The following LOC128092252 variants were observed in gnomAD, a reference collection of about 807,000 sequenced individuals.
At chr15:50,654,826 T>C in the LOC128092252 span, among the ~76,000 whole-genome samples, 2 of 124,964 alleles carry the variant, frequency 1.6e-5, no homozygotes, top group African/African-American at 5.3e-5. Flanking sequence ...TGAAACCCCA[T>C]CTCTACTAAA....
the LOC128092252 span, among the ~76,000 whole-genome samples, chr15:50,669,566 A>C: frequency 6.6e-6 from 1 of 152,238 alleles, no homozygotes; most frequent in Non-Finnish European, 1.5e-5. Context: ...CACTTTATAC[A>C]AATAATCTGG....
At chr15:50,666,728 G>A in the LOC128092252 span, among the ~76,000 whole-genome samples, 1 of 151,958 alleles carries the variant, frequency 6.6e-6, no homozygotes, top group Non-Finnish European at 1.5e-5. Flanking sequence ...CTTGAACCTG[G>A]GAAGCAGAAG....
chr15:50,677,283 C>A, the LOC128092252 span, among the ~76,000 whole-genome samples: 2 of 152,010 alleles, frequency 1.3e-5, no homozygotes, highest in African/African-American at 2.4e-5. Context: ...ACCCTCATGA[C>A]CTCATCTACC....
the LOC128092252 span, among the ~76,000 whole-genome samples, chr15:50,683,647 G>T: frequency 2.0e-5 from 3 of 152,032 alleles, no homozygotes; most frequent in Admixed American, 6.6e-5. Context: ...CAGCAGAATC[G>T]CTTGAACCAG....
chr15:50,662,063 C>T, the LOC128092252 span, among the ~76,000 whole-genome samples: 6 of 151,518 alleles, frequency 4.0e-5, no homozygotes, highest in African/African-American at 9.7e-5. Context: ...ACTAAAAATA[C>T]AAAAACTAGG....
the LOC128092252 span, among the ~76,000 whole-genome samples, chr15:50,681,925 TA>T: frequency 1.3e-5 from 2 of 152,132 alleles, no homozygotes; most frequent in Non-Finnish European, 2.9e-5. Flanking sequence ...CTCACGCCTG[TA>T]ATCCCAGCAC....
chr15:50,668,161 T>C, the LOC128092252 span, among the ~76,000 whole-genome samples: 25 of 152,298 alleles, frequency 1.6e-4, no homozygotes, highest in African/African-American at 5.8e-4. Context: ...CTTTCACAGG[T>C]GCTCTTAAAT....
the LOC128092252 span, among the ~76,000 whole-genome samples, chr15:50,681,098 A>C: frequency 2.6e-5 from 4 of 152,146 alleles, no homozygotes; most frequent in Non-Finnish European, 5.9e-5. Context: ...CAAAAATACA[A>C]AAATTAGCCG....
the LOC128092252 span, among the ~76,000 whole-genome samples, chr15:50,672,778 C>T: frequency 4.0e-5 from 6 of 150,522 alleles, no homozygotes; most frequent in Admixed American, 6.7e-5. Flanking sequence ...AGTGTGGTGG[C>T]GGATGCCTCT....
At chr15:50,685,035 T>A in the LOC128092252 span, among the ~76,000 whole-genome samples, 1 of 152,250 alleles carries the variant, frequency 6.6e-6, no homozygotes, top group East Asian at 1.9e-4. Context: ...ATAAATGACA[T>A]TTGTCTGGGA....
chr15:50,686,606 C>A, the LOC128092252 span: 1 of 1,582,000 alleles, frequency 6.3e-7, no homozygotes, highest in Non-Finnish European at 8.6e-7. Flanking sequence ...AGCCATCTAT[C>A]GGGAAGCGTC....
chr15:50,680,975 G>A, the LOC128092252 span, among the ~76,000 whole-genome samples: 10 of 152,012 alleles, frequency 6.6e-5, no homozygotes, highest in African/African-American at 1.7e-4. Context: ...GTAAAGTGTC[G>A]GGCGAGGTGG....
chr15:50,663,570 A>G, the LOC128092252 span, among the ~76,000 whole-genome samples: 5 of 152,128 alleles, frequency 3.3e-5, no homozygotes, highest in Admixed American at 3.3e-4. Flanking sequence ...TGTAGATACT[A>G]TTGCTTCAAA....
the LOC128092252 span, among the ~76,000 whole-genome samples, chr15:50,659,285 G>T: frequency 1.3e-5 from 2 of 152,040 alleles, no homozygotes; most frequent in South Asian, 2.1e-4. Context: ...GGGGAAGGGG[G>T]ATAATCATCT....
chr15:50,655,334 G>A, the LOC128092252 span, among the ~76,000 whole-genome samples: 2 of 151,092 alleles, frequency 1.3e-5, no homozygotes, highest in Admixed American at 1.3e-4. Context: ...TCAGATGGCT[G>A]AGGCAGGAGA....
chr15:50,658,924 C>A, the LOC128092252 span, among the ~76,000 whole-genome samples: 1 of 152,242 alleles, frequency 6.6e-6, no homozygotes, highest in East Asian at 1.9e-4. Context: ...AGTGGCCAGG[C>A]GCAGTGGCTC....
At chr15:50,686,078 GCC>G in the LOC128092252 span, among the ~76,000 whole-genome samples, 1 of 152,154 alleles carries the variant, frequency 6.6e-6, no homozygotes, top group Non-Finnish European at 1.5e-5. Flanking sequence ...CACCCTTCTA[GCC>G]CTCCCTCCCT....
chr15:50,660,997 CAG>C, the LOC128092252 span, among the ~76,000 whole-genome samples: 2 of 146,790 alleles, frequency 1.4e-5, no homozygotes, highest in African/African-American at 2.5e-5. Context: ...TTTTTTGAGA[CAG>C]AGTTTCACTC....
chr15:50,667,798 C>G, the LOC128092252 span, among the ~76,000 whole-genome samples: 2 of 152,122 alleles, frequency 1.3e-5, no homozygotes, highest in African/African-American at 4.8e-5. Context: ...TTTCACATAT[C>G]AATAATGCAC....
Sources: allele counts gnomAD v4.1 joint callset (sites outside exome capture counted in the v4.1 genomes callset), GRCh38; gene constraint gnomAD v4.1.1; transcripts MANE v1.5.